Variants in CLEC2D observed in about 807,000 individuals in gnomAD.
CLEC2D encodes the protein C-type lectin related f.
CLEC2D carries 16 observed loss-of-function variants against 20.0 expected under a neutral mutation model. The observed-to-expected ratio is 0.80, with a 90% CI of 0.54 to 1.22. CLEC2D has a LOEUF of 1.22. Ranked by LOEUF, CLEC2D falls within the 50% of genes most tolerant of loss-of-function variation. The probability of loss-of-function intolerance (pLI) is 0.00; values close to 1 mark genes in which losing one functional copy is unlikely to be tolerated. For synonymous variants in CLEC2D, 77 were observed against 71.1 expected (o/e 1.08, Z -0.42); for missense variants, 207 against 221.5 (o/e 0.93, Z 0.42).
chr12:9,695,553 G>C lies in CLEC2D; in HGVS notation c.*679G>C. The C allele has an allele frequency of 7.5e-7, 1 of 1,340,666 alleles. No individual in the cohort carries two copies. The highest frequency in any genetic ancestry group is 1.1e-6 in the Non-Finnish European group (1 of 946,828). The allele number at this position is 1,340,666 out of a possible 1,614,324, so 83.0% of individuals were successfully genotyped here. ...CAGGGGCTGGTGCAAAGGATGAACT[G>C]CACATTGTTGAAGCAGAGGCCATGA... On this transcript the variant is annotated 3_prime_UTR_variant, in exon 5 of 5. Coordinates refer to ENST00000290855, the MANE Select transcript of CLEC2D (RefSeq NM_013269.6).
chr12:9,675,948 C>T (rs183929602), intron 1 of CLEC2D, among the ~76,000 whole-genome samples: 5 of 152,278 alleles, frequency 3.3e-5, no homozygotes, highest in Admixed American at 3.3e-4. Context: ...TTATTTCTGG[C>T]ATATAGAAAA....
chr12:9,696,177 G>T lies in CLEC2D; in HGVS notation c.*1303G>T. The T allele has an allele frequency of 2.3e-6, 2 of 865,888 alleles. No individual in the cohort carries two copies. 53.6% of individuals were successfully genotyped at this position (865,888 alleles called of 1,614,324 possible). On this transcript the variant is annotated 3_prime_UTR_variant, in exon 5 of 5. Transcript: ENST00000290855. ...TCAATTATGTGAAGAATTTCTTCTG[G>T]ATGACTGACCAAGAGGCTATTCAAG...
At chr12:9,687,555 C>G (rs1370445771) in intron 2 of CLEC2D, among the ~76,000 whole-genome samples, 1 of 152,190 alleles carries the variant, frequency 6.6e-6, no homozygotes, top group African/African-American at 2.4e-5. Context: ...GGAGAACTAT[C>G]TGTTCTCCAA....
Position 9,698,225 on chromosome 12 carries a change from G to C in CLEC2D, c.*3351G>C, listed in dbSNP as rs1164527208. ...TCATCTCACATACTTATCATTTTCT[G>C]TGGTGAGAACATTTGAAATTTATTC... On this transcript the variant is annotated 3_prime_UTR_variant, in exon 5 of 5. Coordinates refer to ENST00000290855, the MANE Select transcript of CLEC2D (RefSeq NM_013269.6). 1 of 152,108 alleles carries C rather than the reference G, an allele frequency of 6.6e-6. No homozygotes were observed. The highest frequency in any genetic ancestry group is 6.6e-5 in the Admixed American group (1 of 15,264). 9.4% of individuals were successfully genotyped at this position (152,108 alleles called of 1,614,324 possible).
Position 9,698,817 on chromosome 12 carries a change from T to G in CLEC2D, c.*3943T>G, listed in dbSNP as rs1053100141. On this transcript the variant is annotated 3_prime_UTR_variant, in exon 5 of 5. Transcript: ENST00000290855. ...TTTGACAGGTGGAACTAAAGAAGAC[T>G]CGAGGTCTCTCTGACCTCCTCCTCA... is the stretch of plus-strand genomic sequence containing the variant. 4 of 152,140 alleles carry G rather than the reference T, an allele frequency of 2.6e-5. No homozygotes were observed. Among genetic ancestry groups the G allele is most frequent in the African/African-American group, 7.2e-5 (3 of 41,422 alleles). The allele number at this position is 152,140 out of a possible 1,614,324, so 9.4% of individuals were successfully genotyped here.
intron 2 of CLEC2D, 129 bp from the exon 3 acceptor site, chr12:9,687,773 T>TTGAAAAA (rs1300193932): frequency 1.3e-5 from 7 of 519,924 alleles, no homozygotes; most frequent in African/African-American, 1.2e-4. Flanking sequence ...TATTTCTCAC[T>TTGAAAAA]TGAAAAATGA....
intron 2 of CLEC2D, among the ~76,000 whole-genome samples, chr12:9,683,113 T>A (rs1214759432): frequency 1.3e-5 from 2 of 152,242 alleles, no homozygotes; most frequent in African/African-American, 4.8e-5. Flanking sequence ...ATGAGCTTTT[T>A]ATCATATATT....
intron 1 of CLEC2D, among the ~76,000 whole-genome samples, chr12:9,673,577 C>T (rs1865464530): frequency 6.6e-6 from 1 of 152,264 alleles, no homozygotes. Flanking sequence ...ATTCCCTTAG[C>T]AGAGCTGGTG....
Position 9,695,161 on chromosome 12 carries a change from C to A in CLEC2D, c.*287C>A. On this transcript the variant is annotated 3_prime_UTR_variant, in exon 5 of 5. Transcript: ENST00000290855. ...GTTCCACATGGCTGGGGAGGTCTTG[C>A]AATCATGACAGAAGGCAAATGGGAA... The A allele has an allele frequency of 1.7e-6, 1 of 582,664 alleles. No homozygotes were observed. Among genetic ancestry groups the A allele is most frequent in the South Asian group, 2.0e-5 (1 of 49,294 alleles). 36.1% of individuals were successfully genotyped at this position (582,664 alleles called of 1,614,324 possible).
chr12:9,670,091 CTAAAG>C (rs919919861), intron 1 of CLEC2D, among the ~76,000 whole-genome samples: 2 of 151,866 alleles, frequency 1.3e-5, no homozygotes, highest in African/African-American at 4.8e-5. Flanking sequence ...TATACAAACT[CTAAAG>C]TGTTACTCAG....
rs920604879 is a variant in CLEC2D, at chr12:9,699,382, T to C, written c.*4508T>C. 1 of 152,222 alleles carries C rather than the reference T, an allele frequency of 6.6e-6. No homozygotes were observed. The highest frequency in any genetic ancestry group is 2.4e-5 in the African/African-American group (1 of 41,456). 9.4% of individuals were successfully genotyped at this position (152,222 alleles called of 1,614,324 possible). A position where few individuals can be genotyped will look rare whatever the true frequency, so the allele number is the denominator to read the frequency against. On this transcript the variant is annotated 3_prime_UTR_variant, in exon 5 of 5. Coordinates refer to ENST00000290855, the MANE Select transcript of CLEC2D (RefSeq NM_013269.6). ...ACACTGGAAATCTCAGGAAATTTCTTTTTTCCTTAAGCTTAATTGAAATGT... is the reference window on the plus strand; with the variant it reads ...ACACTGGAAATCTCAGGAAATTTCTCTTTTCCTTAAGCTTAATTGAAATGT...
rs1008067227 is a variant in CLEC2D, at chr12:9,692,685, CCTATT to C, written c.358-140_358-136del. On this transcript the variant is annotated intron_variant, in intron 3 of 4. Transcript: ENST00000290855. ...TTGATATGTATGATAATATAGCACACCTATTCTGTATGTATTACTAAACAATACAA... is the reference window on the plus strand; with the variant it reads ...TTGATATGTATGATAATATAGCACACCTGTATGTATTACTAAACAATACAA... 12 of 573,120 alleles carry C rather than the reference CCTATT, an allele frequency of 2.1e-5. No individual in the cohort carries two copies. The East Asian group carries it at 2.5e-4, about 12-fold the overall frequency. 35.5% of individuals were successfully genotyped at this position (573,120 alleles called of 1,614,324 possible).
In CLEC2D at chr12:9,697,848, A is replaced by G. The variant is rs1031798852; in HGVS notation, c.*2974A>G. 6.6e-6 allele frequency: 1 copy of G among 152,230 alleles called. No homozygotes were observed. The highest frequency in any genetic ancestry group is 2.4e-5 in the African/African-American group (1 of 41,466). 9.4% of individuals were successfully genotyped at this position (152,230 alleles called of 1,614,324 possible). ...GGGTGAGTATGTCTAGATATCTAACATACAGTATGAGGACTATAATAGTAT... is the reference window on the plus strand; with the variant it reads ...GGGTGAGTATGTCTAGATATCTAACGTACAGTATGAGGACTATAATAGTAT... On this transcript the variant is annotated 3_prime_UTR_variant, in exon 5 of 5. Coordinates refer to ENST00000290855, the MANE Select transcript of CLEC2D (RefSeq NM_013269.6).
intron 1 of CLEC2D, among the ~76,000 whole-genome samples, 153 bp downstream of exon 1, chr12:9,669,948 G>T (rs752037318): frequency 6.6e-6 from 1 of 152,188 alleles, no homozygotes; most frequent in Admixed American, 6.5e-5. Flanking sequence ...TATAATTTGT[G>T]TAAAACATGC....
In CLEC2D at chr12:9,680,908, A is replaced by T; in HGVS notation, c.62-15A>T. 7.8e-7 allele frequency: 1 copy of T among 1,282,468 alleles called. No homozygotes were observed. The highest frequency in any genetic ancestry group is 1.1e-6 in the Non-Finnish European group (1 of 883,750). The allele number at this position is 1,282,468 out of a possible 1,614,324, so 79.4% of individuals were successfully genotyped here. A position where few individuals can be genotyped will look rare whatever the true frequency, so the allele number is the denominator to read the frequency against. The stretch of plus-strand genomic sequence containing the variant: ...GTATTTAATTGTTAAAATGTTTTTC[A>T]ATAATTTTTTCCAGGTTGTCTGCAT... On this transcript the variant is annotated splice_polypyrimidine_tract_variant and intron_variant, in intron 1 of 4. Coordinates refer to ENST00000290855, the MANE Select transcript of CLEC2D (RefSeq NM_013269.6).
rs1378631451 is a variant in CLEC2D, at chr12:9,698,079, A to G, written c.*3205A>G. On this transcript the variant is annotated 3_prime_UTR_variant, in exon 5 of 5. Coordinates refer to ENST00000290855, the MANE Select transcript of CLEC2D (RefSeq NM_013269.6). Reference sequence around the variant, plus strand: ...ATTTCTATCTGCAGTTGCTATTTGCATTTTTAAAGGATATTTTTATTTTTT... The same window carrying G: ...ATTTCTATCTGCAGTTGCTATTTGCGTTTTTAAAGGATATTTTTATTTTTT... The G allele has an allele frequency of 6.6e-6, 1 of 152,112 alleles. No individual in the cohort carries two copies. The highest frequency in any genetic ancestry group is 1.5e-5 in the Non-Finnish European group (1 of 68,036). 9.4% of individuals were successfully genotyped at this position (152,112 alleles called of 1,614,324 possible). A position where few individuals can be genotyped will look rare whatever the true frequency, so the allele number is the denominator to read the frequency against.
At position 9,697,566 on chromosome 12, in the gene CLEC2D, G is replaced by A. The variant is rs1441324772; in HGVS notation, c.*2692G>A. The A allele has an allele frequency of 6.6e-6, 1 of 152,052 alleles. No individual in the cohort carries two copies. The highest frequency in any genetic ancestry group is 1.9e-4 in the East Asian group (1 of 5,192). 9.4% of individuals were successfully genotyped at this position (152,052 alleles called of 1,614,324 possible). The stretch of plus-strand genomic sequence containing the variant: ...CTGTGTGTGTGTCTTTAGTTCCTCT[G>A]GCGCTGCTGGGTTAGGATCTACCCG... On this transcript the variant is annotated 3_prime_UTR_variant, in exon 5 of 5. Transcript: ENST00000290855.
At chr12:9,684,426 G>GA (rs1382868267) in intron 2 of CLEC2D, among the ~76,000 whole-genome samples, 2 of 152,142 alleles carry the variant, frequency 1.3e-5, no homozygotes, top group Non-Finnish European at 2.9e-5. Flanking sequence ...TATTGAATAG[G>GA]AGTGGTGAGA....
At chr12:9,670,690 T>C (rs1019559001) in intron 1 of CLEC2D, among the ~76,000 whole-genome samples, 5 of 152,246 alleles carry the variant, frequency 3.3e-5, no homozygotes, top group African/African-American at 1.2e-4. Context: ...GACTGGATCT[T>C]ATTTAAATTT....
Sources: allele counts gnomAD v4.1 joint callset (sites outside exome capture counted in the v4.1 genomes callset), GRCh38; gene constraint gnomAD v4.1.1; transcripts MANE v1.5; gene names NCBI Gene and HGNC (gene_info 2026-07-23, HGNC 2026-07-21).